The following RIMS2 variants were observed in gnomAD, a reference collection of about 807,000 sequenced individuals.
The protein encoded by RIMS2 is regulating synaptic membrane exocytosis 2, also known as regulating synaptic membrane exocytosis protein 2.
In RIMS2, 59 loss-of-function variants were observed where a neutral mutation model predicts 174.4. That is an observed-to-expected ratio of 0.34 (90% CI 0.27 to 0.42). RIMS2 has a LOEUF of 0.42. Ranked by LOEUF, RIMS2 falls within the 10% of genes least tolerant of loss-of-function variation. RIMS2 has a pLI of 1.00. For missense variants in RIMS2, 1,620 were observed against 1,666.3 expected, an observed-to-expected ratio of 0.97 and a Z score of 0.48; for synonymous variants, 606 against 572.5, an observed-to-expected ratio of 1.06 and a Z score of -0.84.
chr8:104,014,490 A>G lies in RIMS2; in HGVS notation c.3225-16A>G. 7.1e-7 allele frequency: 1 copy of G among 1,400,204 alleles called. No individual in the cohort carries two copies. Among genetic ancestry groups the G allele is most frequent in the Non-Finnish European group, 1.0e-6 (1 of 990,420 alleles). The allele number at this position is 1,400,204 out of a possible 1,614,324, so 86.7% of individuals were successfully genotyped here. A position where few individuals can be genotyped will look rare whatever the true frequency, so the allele number is the denominator to read the frequency against. ...ACTCATTATACTGAAAATGAATATTAATGGTGTGTCTTTAGGTCTCATCCT... is the reference window on the plus strand; with the variant it reads ...ACTCATTATACTGAAAATGAATATTGATGGTGTGTCTTTAGGTCTCATCCT... On this transcript the variant is annotated splice_polypyrimidine_tract_variant and intron_variant, in intron 18 of 23. Coordinates refer to ENST00000504942, the Ensembl canonical transcript of RIMS2.
intron 1 of RIMS2, among the ~76,000 whole-genome samples, chr8:103,694,752 A>G (rs754604673): frequency 2.0e-5 from 3 of 152,114 alleles, no homozygotes; most frequent in Admixed American, 6.5e-5. Flanking sequence ...TGCTAGCCTG[A>G]TGATTGAACT....
chr8:103,559,365 C>T (rs974282054), intron 1 of RIMS2: 12 of 290,232 alleles, frequency 4.1e-5, no homozygotes, highest in East Asian at 1.0e-4. Flanking sequence ...GTGGTGATCT[C>T]GGAGCTGGTG....
intron 1 of RIMS2, among the ~76,000 whole-genome samples, chr8:103,661,360 TC>T (rs2096598120): frequency 6.6e-6 from 1 of 152,240 alleles, no homozygotes; most frequent in Non-Finnish European, 1.5e-5. Flanking sequence ...TTATTTTTTT[TC>T]CTATGACTTT....
chr8:104,129,941 TATC>T (rs1329862043), intron 19 of RIMS2, among the ~76,000 whole-genome samples: 1 of 152,236 alleles, frequency 6.6e-6, no homozygotes, highest in Non-Finnish European at 1.5e-5. Flanking sequence ...AGGTTTACTT[TATC>T]ATCAGCAAAT....
intron 19 of RIMS2, among the ~76,000 whole-genome samples, chr8:104,096,301 G>T (rs1334220887): frequency 2.6e-5 from 4 of 152,184 alleles, no homozygotes; most frequent in Non-Finnish European, 5.9e-5. Flanking sequence ...GCCATACCTG[G>T]CTTGCTAGGC....
At chr8:104,240,834 T>TAAC (rs1193031402) in intron 19 of RIMS2, among the ~76,000 whole-genome samples, 1 of 152,092 alleles carries the variant, frequency 6.6e-6, no homozygotes. Flanking sequence ...CTGGTAATAA[T>TAAC]AACAGTATAA....
At chr8:103,856,283 T>G (rs568568558) in intron 3 of RIMS2, among the ~76,000 whole-genome samples, 6 of 152,308 alleles carry the variant, frequency 3.9e-5, no homozygotes, top group African/African-American at 1.4e-4. Flanking sequence ...TAATTTACTT[T>G]GCGCCTGTGG....
At chr8:103,772,801 T>C (rs1362504930) in intron 3 of RIMS2, among the ~76,000 whole-genome samples, 2 of 152,164 alleles carry the variant, frequency 1.3e-5, no homozygotes, top group African/African-American at 4.8e-5. Context: ...AAGCCATTCA[T>C]GTATAGACAA....
chr8:103,782,221 T>A (rs2098398367), intron 3 of RIMS2, among the ~76,000 whole-genome samples: 1 of 152,116 alleles, frequency 6.6e-6, no homozygotes, highest in African/African-American at 2.4e-5. Context: ...ATATATTTCT[T>A]TGAAGTGATA....
intron 4 of RIMS2, among the ~76,000 whole-genome samples, chr8:103,897,298 A>G (rs1237205548): frequency 6.6e-6 from 1 of 151,682 alleles, no homozygotes; most frequent in Non-Finnish European, 1.5e-5. Flanking sequence ...CCACTCTTGA[A>G]TAGGGCTGTG....
At chr8:104,013,413 A>G (rs763769311) in intron 17 of RIMS2, 29 bp from the exon 20 acceptor site, 5 of 1,601,066 alleles carry the variant, frequency 3.1e-6, no homozygotes, top group South Asian at 1.1e-5. Context: ...CTAAAGATCA[A>G]CTGAGCTGCT....
chr8:103,639,176 G>A (rs1433942298), intron 1 of RIMS2, among the ~76,000 whole-genome samples: 1 of 151,852 alleles, frequency 6.6e-6, no homozygotes, highest in Admixed American at 6.6e-5. Flanking sequence ...CAGTTATCTA[G>A]TTAAAATATC....
intron 3 of RIMS2, among the ~76,000 whole-genome samples, chr8:103,794,775 G>T (rs2098536381): frequency 6.6e-6 from 1 of 152,114 alleles, no homozygotes; most frequent in African/African-American, 2.4e-5. Flanking sequence ...GTGGGCAAAG[G>T]ATATGAACAG....
chr8:103,961,045 T>C lies in RIMS2; in HGVS notation c.2702-20T>C, dbSNP rs757565660. 1.6e-6 allele frequency: 2 copies of C among 1,247,242 alleles called. No individual in the cohort carries two copies. The highest frequency in any genetic ancestry group is 1.7e-5 in the Admixed American group (1 of 57,454). The allele number at this position is 1,247,242 out of a possible 1,614,324, so 77.3% of individuals were successfully genotyped here. A position where few individuals can be genotyped will look rare whatever the true frequency, so the allele number is the denominator to read the frequency against. On this transcript the variant is annotated intron_variant, in intron 14 of 23. Coordinates refer to ENST00000504942, the Ensembl canonical transcript of RIMS2. ...TTAGAGAATCAGAATTTTTAATTAT[T>C]GCTATTGTTTACTTTATAGGGTCAA...
intron 3 of RIMS2, among the ~76,000 whole-genome samples, chr8:103,874,261 A>C (rs4463386): frequency 0.63 from 95,714 of 151,682 alleles, 31,048 homozygotes; most frequent in Non-Finnish European, 0.69. Context: ...GTGATTGGAC[A>C]AGCTTAGGTC....
intron 8 of RIMS2, among the ~76,000 whole-genome samples, chr8:103,917,048 A>G (rs1445023103): frequency 1.3e-5 from 2 of 152,218 alleles, no homozygotes; most frequent in African/African-American, 2.4e-5. Flanking sequence ...TATAATGCCT[A>G]TGCATTAAAT....
chr8:103,614,819 A>T (rs928467431), intron 1 of RIMS2, among the ~76,000 whole-genome samples: 15 of 152,218 alleles, frequency 9.9e-5, no homozygotes, highest in African/African-American at 3.4e-4. Context: ...CAGCTATGTC[A>T]TATTTCTATT....
chr8:103,812,782 T>C (rs1316686472), intron 3 of RIMS2, among the ~76,000 whole-genome samples: 1 of 152,194 alleles, frequency 6.6e-6, no homozygotes, highest in African/African-American at 2.4e-5. Flanking sequence ...AGGTGAATTG[T>C]TCTATGATCC....
intron 3 of RIMS2, among the ~76,000 whole-genome samples, chr8:103,877,586 CTA>C (rs2099147392): frequency 6.6e-6 from 1 of 151,924 alleles, no homozygotes; most frequent in East Asian, 1.9e-4. Flanking sequence ...TTCCATTGGT[CTA>C]TATGTCTACT....
Sources: gnomAD v4.1 joint callset for allele counts (sites outside exome capture counted in the v4.1 genomes callset) on GRCh38, gnomAD v4.1.1 for gene constraint, MANE v1.5 for transcripts, NCBI Gene and HGNC (gene_info 2026-07-23, HGNC 2026-07-21) for gene names.